The following ERBB4 variants were observed in gnomAD, a reference collection of about 807,000 sequenced individuals.
The protein encoded by ERBB4 is receptor tyrosine-protein kinase erbB-4.
In ERBB4, 42 loss-of-function variants were observed where a neutral mutation model predicts 158.0. That is an observed-to-expected ratio of 0.27 (90% CI 0.21 to 0.34). The LOEUF is 0.34. Among genes scored for constraint, ERBB4 ranks in the 10% least tolerant of loss-of-function variants. The probability of loss-of-function intolerance (pLI) is 1.00; values close to 1 mark genes in which losing one functional copy is unlikely to be tolerated. For missense variants in ERBB4, 1,333 were observed against 1,624.1 expected (o/e 0.82, Z 3.08); for synonymous variants, 583 against 558.7 (o/e 1.04, Z -0.61).
At chr2:212,391,001 T>C (rs1397944781) in intron 1 of ERBB4, among the ~76,000 whole-genome samples, 1 of 151,846 alleles carries the variant, frequency 6.6e-6, no homozygotes, top group Non-Finnish European at 1.5e-5. Flanking sequence ...ATGAAATTCC[T>C]AAAATATGTG....
At chr2:211,888,968 G>C (rs763377705) in intron 3 of ERBB4, among the ~76,000 whole-genome samples, 17,919 of 141,982 alleles carry the variant, frequency 0.13, 1,643 homozygotes, top group African/African-American at 0.25. Flanking sequence ...AGCGAGGCTG[G>C]GGGAGGGGCG....
chr2:212,262,069 T>C (rs1401632474), intron 1 of ERBB4, among the ~76,000 whole-genome samples: 1 of 152,314 alleles, frequency 6.6e-6, no homozygotes, highest in African/African-American at 2.4e-5. Flanking sequence ...TTAACTGATA[T>C]AATCTTATTC....
intron 2 of ERBB4, among the ~76,000 whole-genome samples, chr2:212,001,308 T>C (rs959174532): frequency 6.6e-6 from 1 of 152,140 alleles, no homozygotes; most frequent in Non-Finnish European, 1.5e-5. Context: ...CCTTAAAGTT[T>C]AGCTATGTAG....
chr2:211,486,645 A>T (rs113453060), intron 20 of ERBB4, among the ~76,000 whole-genome samples: 157 of 152,188 alleles, frequency 1.0e-3, no homozygotes, highest in African/African-American at 3.7e-3. Flanking sequence ...GTCAAATCTC[A>T]TCTTTATTAT....
At position 211,382,339 on chromosome 2, in the gene ERBB4, G is replaced by T. The variant is rs890856106; in HGVS notation, c.*1276C>A. The T allele has an allele frequency of 4.3e-6, 1 of 232,266 alleles. No individual in the cohort carries two copies. The highest frequency in any genetic ancestry group is 2.2e-5 in the African/African-American group (1 of 45,250). 14.4% of individuals were successfully genotyped at this position (232,266 alleles called of 1,614,324 possible). A position where few individuals can be genotyped will look rare whatever the true frequency, so the allele number is the denominator to read the frequency against. ...GGTGACATATGAAGATAATGTGCTG[G>T]CCTCTCATCATAGTCCCTGGATACC... is the stretch of plus-strand genomic sequence containing the variant. On this transcript the variant is annotated 3_prime_UTR_variant, in exon 28 of 28. Coordinates refer to ENST00000342788, the MANE Select transcript of ERBB4 (RefSeq NM_005235.3).
At chr2:212,459,619 C>T (rs1688471937) in intron 1 of ERBB4, among the ~76,000 whole-genome samples, 1 of 152,036 alleles carries the variant, frequency 6.6e-6, no homozygotes, top group Non-Finnish European at 1.5e-5. Context: ...CCACAAAAGA[C>T]CTCAAATAGC....
At chr2:211,517,150 T>C (rs2066056434) in intron 20 of ERBB4, among the ~76,000 whole-genome samples, 1 of 152,126 alleles carries the variant, frequency 6.6e-6, no homozygotes, top group Non-Finnish European at 1.5e-5. Flanking sequence ...ATAAAAAGCT[T>C]ATGGTACTGG....
chr2:211,571,082 C>T (rs2067715725), intron 19 of ERBB4, among the ~76,000 whole-genome samples: 1 of 114,674 alleles, frequency 8.7e-6, no homozygotes, highest in Non-Finnish European at 1.6e-5. Context: ...CTTGCTCTGT[C>T]GCCAGGCTGG....
At chr2:212,486,369 C>A (rs1004689332) in intron 1 of ERBB4, among the ~76,000 whole-genome samples, 1 of 151,918 alleles carries the variant, frequency 6.6e-6, no homozygotes, top group Non-Finnish European at 1.5e-5. Context: ...TCATAATGCA[C>A]GGAAAATCAA....
At chr2:211,699,004 T>A (rs1268087947) in intron 12 of ERBB4, among the ~76,000 whole-genome samples, 1 of 152,214 alleles carries the variant, frequency 6.6e-6, no homozygotes, top group Non-Finnish European at 1.5e-5. Flanking sequence ...CTAGCCACTG[T>A]TACCCTTTAT....
chr2:212,101,648 T>C (rs991405204), intron 2 of ERBB4, among the ~76,000 whole-genome samples: 8 of 151,838 alleles, frequency 5.3e-5, no homozygotes, highest in African/African-American at 1.9e-4. Flanking sequence ...AAATAATATA[T>C]AACAAGTAAA....
intron 1 of ERBB4, among the ~76,000 whole-genome samples, chr2:212,294,857 A>T (rs2086351498): frequency 6.6e-6 from 1 of 152,116 alleles, no homozygotes; most frequent in South Asian, 2.1e-4. Context: ...AAATGACTGT[A>T]GGGGGTTTGA....
chr2:212,363,054 C>A (rs2089751454), intron 1 of ERBB4, among the ~76,000 whole-genome samples: 1 of 151,246 alleles, frequency 6.6e-6, no homozygotes, highest in Non-Finnish European at 1.5e-5. Context: ...TTAAATTTAG[C>A]AGTTTGGTAT....
At chr2:212,145,794 C>G (rs2080649482) in intron 1 of ERBB4, among the ~76,000 whole-genome samples, 1 of 145,042 alleles carries the variant, frequency 6.9e-6, no homozygotes, top group Non-Finnish European at 1.5e-5. Flanking sequence ...TCCTTATCGT[C>G]TTATTTTTTT....
At chr2:211,407,177 A>T (rs1278846491) in intron 25 of ERBB4, among the ~76,000 whole-genome samples, 2 of 152,206 alleles carry the variant, frequency 1.3e-5, no homozygotes, top group Non-Finnish European at 2.9e-5. Flanking sequence ...TTGGCAAAAG[A>T]TAAGTGATAA....
chr2:211,601,921 T>C (rs2068813562), intron 19 of ERBB4, among the ~76,000 whole-genome samples: 1 of 152,164 alleles, frequency 6.6e-6, no homozygotes, highest in South Asian at 2.1e-4. Flanking sequence ...CAATTATGAA[T>C]TCATTACCTC....
At chr2:211,424,323 T>C in intron 22 of ERBB4, 22 bp from the exon 23 acceptor site, 2 of 1,588,644 alleles carry the variant, frequency 1.3e-6, no homozygotes, top group Non-Finnish European at 1.7e-6. Flanking sequence ...AAAAAATTCT[T>C]ACTTAAGCAT....
chr2:212,211,692 T>C (rs2105928189), intron 1 of ERBB4, among the ~76,000 whole-genome samples: 1 of 151,652 alleles, frequency 6.6e-6, no homozygotes, highest in Admixed American at 6.6e-5. Context: ...GGTGGTTTGC[T>C]GCACCTATTG....
intron 20 of ERBB4, 108 bp from the exon 21 acceptor site, chr2:211,431,208 T>G: frequency 1.1e-6 from 1 of 950,402 alleles, no homozygotes; most frequent in East Asian, 2.4e-5. Flanking sequence ...ATTTTTTAAG[T>G]GAAGCCAGAA....
Sources: gnomAD v4.1 joint callset for allele counts (sites outside exome capture counted in the v4.1 genomes callset) on GRCh38, gnomAD v4.1.1 for gene constraint, MANE v1.5 for transcripts, NCBI Gene and HGNC (gene_info 2026-07-23, HGNC 2026-07-21) for gene names.